GSN: variants seen among roughly 807,000 people sequenced by gnomAD.
The protein encoded by GSN is actin-depolymerizing factor.
A neutral mutation model predicts 85.7 loss-of-function variants in GSN; 56 were observed. That is an observed-to-expected ratio of 0.65 (90% CI 0.53 to 0.82). The LOEUF is 0.82. GSN is among the 40% of genes least tolerant of loss of function. The pLI, the probability that GSN is intolerant of heterozygous loss-of-function variation, is 0.00. For synonymous variants in GSN, 373 were observed against 399.1 expected (o/e 0.93, Z 0.78); for missense variants, 857 against 979.8 (o/e 0.87, Z 1.67).
At chr9:121,286,602 G>A in intron 2 of GSN, 1 of 1,499,652 alleles carries the variant, frequency 6.7e-7, no homozygotes, top group Non-Finnish European at 8.9e-7. Context: ...GTGCTCCCAG[G>A]GCCCACAACT....
At chr9:121,232,931 C>G (rs1199390076) in intron 5 of GSN, among the ~76,000 whole-genome samples, 1 of 152,152 alleles carries the variant, frequency 6.6e-6, no homozygotes, top group Non-Finnish European at 1.5e-5. Flanking sequence ...TGTTGAGTCC[C>G]CTGATAGAAG....
chr9:121,299,825 G>C lies in GSN; in HGVS notation c.-9-2138G>C, dbSNP rs1447440466. On this transcript the variant is annotated intron_variant, in intron 2 of 17. Coordinates refer to ENST00000432226, the MANE Select transcript of GSN (RefSeq NM_198252.3). The surrounding 1 kb of genome is among the most constrained non-coding windows in gnomAD (Gnocchi z 4.2). The stretch of plus-strand genomic sequence containing the variant: ...TACTTAAGGTCGGCGACCCGAGGCC[G>C]CGGCTGCCGACTGGGTCCCCTGCCG... The C allele has an allele frequency of 1.5e-5, 20 of 1,321,376 alleles. No individual in the cohort carries two copies. Among genetic ancestry groups the C allele is most frequent in the Non-Finnish European group, 1.9e-5 (20 of 1,028,918 alleles). The allele number at this position is 1,321,376 out of a possible 1,614,324, so 81.9% of individuals were successfully genotyped here.
At chr9:121,325,492 A>G (rs2063045411) in intron 12 of GSN, among the ~76,000 whole-genome samples, 1 of 152,194 alleles carries the variant, frequency 6.6e-6, no homozygotes, top group Non-Finnish European at 1.5e-5. Context: ...CATAGTGACG[A>G]TGTTGACCTT....
chr9:121,286,623 C>A, intron 2 of GSN: 1 of 1,525,410 alleles, frequency 6.6e-7, no homozygotes, highest in South Asian at 1.2e-5. Flanking sequence ...GCTTGAATGA[C>A]TATTGGTGTT....
chr9:121,282,808 A>T, intron 2 of GSN: 1 of 371,726 alleles, frequency 2.7e-6, no homozygotes, highest in Non-Finnish European at 5.0e-6. Context: ...AACAAAAAGA[A>T]TGTTATGCTC....
chr9:121,247,526 T>C (rs907240974), intron 5 of GSN, among the ~76,000 whole-genome samples: 1 of 152,344 alleles, frequency 6.6e-6, no homozygotes, highest in South Asian at 2.1e-4. Context: ...CATCTTCCAT[T>C]GCAACGTCAG....
At chr9:121,287,277 G>A (rs532939615) in intron 2 of GSN, among the ~76,000 whole-genome samples, 1 of 152,286 alleles carries the variant, frequency 6.6e-6, no homozygotes, top group Non-Finnish European at 1.5e-5. Flanking sequence ...GGAATGGAGA[G>A]ACGAGAAGAG....
chr9:121,327,370 C>T lies in GSN; in HGVS notation c.1650C>T (p.Ala550=), dbSNP rs756482045. 1.2e-5 allele frequency: 20 copies of T among 1,613,588 alleles called. No individual in the cohort carries two copies. The highest frequency in any genetic ancestry group is 1.6e-4 in the Middle Eastern group (1 of 6,074). Residue 550 remains alanine (A), a synonymous_variant, in exon 14 of 18, where the codon GCC becomes GCT. Coordinates refer to ENST00000432226, the MANE Select transcript of GSN (RefSeq NM_198252.3). ...NDAFVLKTPS[A]AYLWVGTGAS... ...CCTTTGTTCTGAAAACCCCCTCAGC[C>T]GCCTACCTGTGGGTGGGTACAGGAG... is the stretch of plus-strand genomic sequence containing the variant.
At chr9:121,307,528 A>T (rs1041932292) in intron 4 of GSN, among the ~76,000 whole-genome samples, 1 of 152,158 alleles carries the variant, frequency 6.6e-6, no homozygotes, top group Non-Finnish European at 1.5e-5. Context: ...GATCTTGGGG[A>T]TAGAACCCAG....
At chr9:121,302,231 C>T (rs1460827776) in intron 3 of GSN, 64 bp downstream of exon 3, 12 of 1,554,442 alleles carry the variant, frequency 7.7e-6, no homozygotes, top group Non-Finnish European at 1.1e-5. Context: ...ACCTTTGGGG[C>T]ATGGTCCCCA....
chr9:121,243,450 G>T (rs890904942), intron 5 of GSN, among the ~76,000 whole-genome samples: 2 of 152,202 alleles, frequency 1.3e-5, no homozygotes, highest in African/African-American at 2.4e-5. Flanking sequence ...ATTAGGATCT[G>T]GTTATCTGTA....
intron 10 of GSN, among the ~76,000 whole-genome samples, chr9:121,320,473 C>T (rs868423959): frequency 6.6e-6 from 1 of 151,992 alleles, no homozygotes; most frequent in African/African-American, 2.4e-5. Flanking sequence ...GGTGAAACCC[C>T]GTCTCTACTA....
intron 1 of GSN, among the ~76,000 whole-genome samples, chr9:121,209,077 TTTTC>T (rs1371494511): frequency 6.6e-6 from 1 of 152,248 alleles, no homozygotes. Flanking sequence ...GGCCAGAATA[TTTTC>T]TTTATTAGTG....
At chr9:121,249,929 T>C (rs1359472032) in intron 6 of GSN, among the ~76,000 whole-genome samples, 3 of 152,142 alleles carry the variant, frequency 2.0e-5, no homozygotes, top group Non-Finnish European at 4.4e-5. Context: ...AAAAAGCTGG[T>C]TTTTTAGTGA....
intron 4 of GSN, among the ~76,000 whole-genome samples, chr9:121,220,280 C>T (rs975969349): frequency 1.1e-4 from 16 of 152,248 alleles, no homozygotes; most frequent in Non-Finnish European, 2.1e-4. Context: ...CCCGCAGTGG[C>T]GTCAAAAGCC....
chr9:121,238,889 G>A (rs2054548239), intron 5 of GSN: 4 of 534,846 alleles, frequency 7.5e-6, no homozygotes, highest in Non-Finnish European at 1.5e-5. Context: ...GCCTACAGCT[G>A]GTTACATACA....
chr9:121,303,624 C>A (rs1271721662), intron 4 of GSN, among the ~76,000 whole-genome samples: 1 of 152,116 alleles, frequency 6.6e-6, no homozygotes, highest in Admixed American at 6.6e-5. Context: ...AGAGGCTGCA[C>A]CCTAATATGC....
intron 5 of GSN, among the ~76,000 whole-genome samples, chr9:121,233,433 C>G (rs1409626256): frequency 1.3e-5 from 2 of 152,152 alleles, no homozygotes; most frequent in African/African-American, 4.8e-5. Flanking sequence ...CCACTGCACT[C>G]TAGCCTGGGT....
chr9:121,295,768 C>T (rs1225403043), intron 2 of GSN, among the ~76,000 whole-genome samples: 3 of 152,212 alleles, frequency 2.0e-5, no homozygotes, highest in Non-Finnish European at 1.5e-5. Flanking sequence ...AATCTGCCTA[C>T]TGTGTGCCTG....
Sources: allele counts gnomAD v4.1 joint callset (sites outside exome capture counted in the v4.1 genomes callset), GRCh38; gene constraint gnomAD v4.1.1; non-coding constraint Gnocchi (gnomAD v3.1); transcripts MANE v1.5; gene names NCBI Gene and HGNC (gene_info 2026-07-23, HGNC 2026-07-21).